USP14: variants seen among roughly 807,000 people sequenced by gnomAD.
The protein encoded by USP14 is ubiquitin carboxyl-terminal hydrolase 14.
A neutral mutation model predicts 76.5 loss-of-function variants in USP14; 38 were observed. The ratio of observed to expected loss-of-function variants is 0.50; its 90% CI spans 0.38 to 0.65. The LOEUF is 0.65. Ranked by LOEUF, USP14 falls within the 30% of genes least tolerant of loss-of-function variation. The pLI, the probability that USP14 is intolerant of heterozygous loss-of-function variation, is 0.00. For missense variants in USP14, 467 were observed against 586.5 expected (o/e 0.80, Z 2.10); for synonymous variants, 192 against 191.7 (o/e 1.00, Z -0.01).
At chr18:182,578 C>T (rs1909815080) in intron 5 of USP14, among the ~76,000 whole-genome samples, 1 of 152,194 alleles carries the variant, frequency 6.6e-6, no homozygotes, top group African/African-American at 2.4e-5. Flanking sequence ...GTCTTCAAGG[C>T]ACCTACAGTC....
intron 3 of USP14, among the ~76,000 whole-genome samples, chr18:174,729 TGAGTAGTTGG>T (rs972239483): frequency 5.3e-5 from 8 of 152,060 alleles, no homozygotes; most frequent in African/African-American, 1.9e-4. Flanking sequence ...CTCACCCTCC[TGAGTAGTTGG>T]GACTATAGGC....
chr18:163,854 TC>T (rs1598261731), intron 2 of USP14, among the ~76,000 whole-genome samples: 1 of 150,700 alleles, frequency 6.6e-6, no homozygotes, highest in African/African-American at 2.4e-5. Flanking sequence ...CTCCTCCCAC[TC>T]TCCACCCTCA....
intron 5 of USP14, among the ~76,000 whole-genome samples, chr18:188,940 A>C (rs1175879359): frequency 6.6e-6 from 1 of 152,142 alleles, no homozygotes. Context: ...TGGCCTCCCA[A>C]AGTGCTGGGA....
At chr18:168,610 T>G (rs1909346651) in intron 3 of USP14, among the ~76,000 whole-genome samples, 1 of 151,904 alleles carries the variant, frequency 6.6e-6, no homozygotes, top group African/African-American at 2.4e-5. Context: ...AATTTTTGTA[T>G]TTTTGGTAGA....
intron 12 of USP14, among the ~76,000 whole-genome samples, chr18:203,621 T>C (rs577618289): frequency 1.3e-5 from 2 of 152,136 alleles, no homozygotes; most frequent in East Asian, 3.9e-4. Flanking sequence ...TCTTTCTTTT[T>C]TTTTTTGAGA....
chr18:180,119 A>G (rs2144234981), intron 4 of USP14, 117 bp from the exon 5 acceptor site: 1 of 525,672 alleles, frequency 1.9e-6, no homozygotes, highest in Non-Finnish European at 3.2e-6. Context: ...ATAAATTGGT[A>G]GAAGCTAGTA....
intron 3 of USP14, among the ~76,000 whole-genome samples, chr18:178,350 A>G (rs1909687630): frequency 6.6e-6 from 1 of 152,122 alleles, no homozygotes. Flanking sequence ...TTATGGAGAG[A>G]GATAATGCCA....
chr18:170,223 G>C (rs1909404379), intron 3 of USP14, among the ~76,000 whole-genome samples: 1 of 152,130 alleles, frequency 6.6e-6, no homozygotes, highest in African/African-American at 2.4e-5. Flanking sequence ...AGAATTGCTT[G>C]AGCCTGGGAG....
At chr18:206,694 G>A (rs1910537087) in intron 13 of USP14, among the ~76,000 whole-genome samples, 1 of 152,168 alleles carries the variant, frequency 6.6e-6, no homozygotes, top group East Asian at 1.9e-4. Flanking sequence ...GAGGTCAGGG[G>A]TTCGAGACCA....
intron 5 of USP14, among the ~76,000 whole-genome samples, chr18:181,611 A>G (rs1178263276): frequency 3.3e-5 from 5 of 152,144 alleles, no homozygotes; most frequent in Non-Finnish European, 5.9e-5. Context: ...CTTCTATACT[A>G]TAAGCTGTCA....
At position 201,053 on chromosome 18, in the gene USP14, G is replaced by A. The variant is rs559409061; in HGVS notation, c.876+1737G>A. ...CCTGACCTTGTGATCCGCCCACCTC[G>A]GCCTCCCAAAGTGCTGGGATTATAG... On this transcript the variant is annotated intron_variant, in intron 10 of 15. Transcript: ENST00000261601. Among the ~76,000 whole-genome samples, 25 of 152,170 alleles carry A rather than the reference G, an allele frequency of 1.6e-4. No individual in the cohort carries two copies. In the South Asian group the frequency reaches 2.1e-3, roughly 13 times the overall value.
intron 1 of USP14, among the ~76,000 whole-genome samples, chr18:160,438 A>G (rs1909085292): frequency 6.6e-6 from 1 of 152,162 alleles, no homozygotes; most frequent in Admixed American, 6.5e-5. Flanking sequence ...TGGGAGGATC[A>G]CTTGAGCCAA....
chr18:165,472 T>G (rs1454160077), intron 2 of USP14, among the ~76,000 whole-genome samples: 1 of 152,166 alleles, frequency 6.6e-6, no homozygotes, highest in African/African-American at 2.4e-5. Context: ...ACTGTACTAG[T>G]GGTATGCTGT....
At chr18:178,771 A>G (rs1909699714) in intron 3 of USP14, 162 bp from the exon 4 acceptor site, 1 of 506,118 alleles carries the variant, frequency 2.0e-6, no homozygotes, top group Admixed American at 3.7e-5. Flanking sequence ...CCCTCTCCCC[A>G]TCTCCAGTCC....
At chr18:183,536 C>G (rs1404128557) in intron 5 of USP14, among the ~76,000 whole-genome samples, 1 of 151,868 alleles carries the variant, frequency 6.6e-6, no homozygotes, top group Non-Finnish European at 1.5e-5. Context: ...TTCTAACTTT[C>G]CTCCGTGTTT....
chr18:197,691 A>G lies in USP14; in HGVS notation c.670A>G (p.Lys224Glu). ...KLEAIEDDSV[K>E]ETDSSSASAA... ...GGAAGCAATAGAGGATGATTCTGTT[A>G]AAGAGGTAATTGAAATATATTTGTG... The change falls in exon 8 of 16, where the codon AAA (lysine) becomes GAA (glutamate). Residue 224 changes from lysine (K) to glutamate (E), a missense_variant. Transcript: ENST00000261601. The G allele has an allele frequency of 6.2e-7, 1 of 1,609,268 alleles. No individual in the cohort carries two copies. The highest frequency in any genetic ancestry group is 8.5e-7 in the Non-Finnish European group (1 of 1,177,234).
intron 5 of USP14, among the ~76,000 whole-genome samples, chr18:183,336 T>A (rs1189061755): frequency 2.6e-5 from 4 of 151,830 alleles, no homozygotes; most frequent in Non-Finnish European, 5.9e-5. Context: ...TTTTTTTCTT[T>A]CCCCCAGTTT....
At chr18:158,915 C>T (rs4570948) in intron 1 of USP14, 201,878 of 780,028 alleles carry the variant, frequency 0.26, 26,896 homozygotes, top group Admixed American at 0.33. Context: ...GAGCGCCGTC[C>T]CCCTGAGCCA....
intron 6 of USP14, among the ~76,000 whole-genome samples, chr18:194,443 A>G (rs1910175477): frequency 6.6e-6 from 1 of 152,194 alleles, no homozygotes; most frequent in Non-Finnish European, 1.5e-5. Flanking sequence ...TTGTTTTGAA[A>G]TACATTTAAA....
Sources: allele counts gnomAD v4.1 joint callset (sites outside exome capture counted in the v4.1 genomes callset), GRCh38; gene constraint gnomAD v4.1.1; transcripts MANE v1.5; gene names NCBI Gene and HGNC (gene_info 2026-07-23, HGNC 2026-07-21).